The following SLC24A3 variants were observed in gnomAD, a reference collection of about 807,000 sequenced individuals.
SLC24A3 encodes solute carrier family 24 member 3.
In SLC24A3, 28 loss-of-function variants were observed where a neutral mutation model predicts 75.8. The ratio of observed to expected loss-of-function variants is 0.37; its 90% CI spans 0.27 to 0.51. SLC24A3 has a LOEUF of 0.51. Among genes scored for constraint, SLC24A3 ranks in the 20% least tolerant of loss-of-function variants. SLC24A3 has a pLI of 0.94. For synonymous variants in SLC24A3, 372 were observed against 334.1 expected, an observed-to-expected ratio of 1.11 and a Z score of -1.24; for missense variants, 663 against 847.8, an observed-to-expected ratio of 0.78 and a Z score of 2.71.
intron 6 of SLC24A3, among the ~76,000 whole-genome samples, chr20:19,600,258 G>A (rs6132218): frequency 1.3e-5 from 2 of 152,012 alleles, no homozygotes; most frequent in Admixed American, 6.5e-5. Flanking sequence ...GCCATTTCTC[G>A]CTGGACTCTT....
At chr20:19,587,106 A>C (rs2031309075) in intron 6 of SLC24A3, among the ~76,000 whole-genome samples, 1 of 152,072 alleles carries the variant, frequency 6.6e-6, no homozygotes, top group Admixed American at 6.6e-5. Flanking sequence ...CACTCTCCTA[A>C]TTGGCATTGT....
intron 6 of SLC24A3, among the ~76,000 whole-genome samples, chr20:19,646,841 C>CTGTGTGTGTGTGTGTGTG (rs74180956): frequency 0.02 from 2,942 of 144,596 alleles, 79 homozygotes; most frequent in African/African-American, 0.056. Flanking sequence ...TTACAAAACT[C>CTGTGTGTGTGTGTGTGTG]TGTGTGTGTG....
intron 2 of SLC24A3, among the ~76,000 whole-genome samples, chr20:19,440,338 C>A (rs1284445155): frequency 6.6e-6 from 1 of 152,150 alleles, no homozygotes. Context: ...TCTGTAATCT[C>A]AGAAGGAGCT....
rs73899692 is a variant in SLC24A3 at position 19,260,762 on chromosome 20, G to A, written c.143-20197G>A. On this transcript the variant is annotated intron_variant, in intron 1 of 16. Transcript: ENST00000328041. ...CCACCCTTTGCAGAAGGCCTGCGAG[G>A]CATCATTGCTGTAGGCATCATTCTC... 5.6e-3 allele frequency among the ~76,000 whole-genome samples: 855 copies of A among 152,302 alleles called. 6 individuals are homozygous for A. Among genetic ancestry groups the A allele is most frequent in the African/African-American group, 0.02 (822 of 41,562 alleles).
At chr20:19,563,442 T>C (rs1448763471) in intron 3 of SLC24A3, among the ~76,000 whole-genome samples, 4 of 152,206 alleles carry the variant, frequency 2.6e-5, no homozygotes, top group African/African-American at 9.6e-5. Flanking sequence ...GTTTGCAGAA[T>C]ATTGACTATG....
chr20:19,666,212 T>C (rs2032397208), intron 8 of SLC24A3, among the ~76,000 whole-genome samples: 1 of 152,156 alleles, frequency 6.6e-6, no homozygotes, highest in Non-Finnish European at 1.5e-5. Flanking sequence ...AGTTAAGATT[T>C]GACTGATTTT....
At chr20:19,401,630 C>A (rs998683037) in intron 2 of SLC24A3, among the ~76,000 whole-genome samples, 3 of 152,160 alleles carry the variant, frequency 2.0e-5, no homozygotes, top group Non-Finnish European at 4.4e-5. Flanking sequence ...GCTGTCAGGA[C>A]CCTGCCTGGA....
intron 2 of SLC24A3, among the ~76,000 whole-genome samples, chr20:19,410,344 A>G (rs987385014): frequency 1.3e-5 from 2 of 152,210 alleles, no homozygotes; most frequent in African/African-American, 4.8e-5. Flanking sequence ...CCTCCAAAAG[A>G]TAGAAGAGAA....
chr20:19,307,990 T>A (rs1984371739), intron 2 of SLC24A3, among the ~76,000 whole-genome samples: 1 of 152,144 alleles, frequency 6.6e-6, no homozygotes, highest in South Asian at 2.1e-4. Flanking sequence ...AAGAATTTTT[T>A]AAAGTGAAAT....
chr20:19,222,817 GTTCC>G (rs902501636), intron 1 of SLC24A3, among the ~76,000 whole-genome samples: 4 of 49,164 alleles, frequency 8.1e-5, no homozygotes, highest in Non-Finnish European at 1.6e-4. Context: ...TCCTTCCTTC[GTTCC>G]TTCCTTCCTT....
chr20:19,303,091 A>G (rs922370139), intron 2 of SLC24A3, among the ~76,000 whole-genome samples: 3 of 151,546 alleles, frequency 2.0e-5, no homozygotes, highest in East Asian at 1.9e-4. Context: ...GGTTTTGTGT[A>G]TAGATTATTT....
At chr20:19,691,797 C>A (rs992114586) in intron 12 of SLC24A3, among the ~76,000 whole-genome samples, 12 of 152,184 alleles carry the variant, frequency 7.9e-5, no homozygotes, top group African/African-American at 2.7e-4. Flanking sequence ...ATCCTAATAT[C>A]ATCTCATTTA....
chr20:19,711,922 G>C (rs909884408), intron 15 of SLC24A3, among the ~76,000 whole-genome samples: 1 of 151,944 alleles, frequency 6.6e-6, no homozygotes, highest in Non-Finnish European at 1.5e-5. Flanking sequence ...ACAGGTGTGA[G>C]CTACCGCGCC....
At chr20:19,373,195 T>C (rs1464683312) in intron 2 of SLC24A3, among the ~76,000 whole-genome samples, 1 of 152,186 alleles carries the variant, frequency 6.6e-6, no homozygotes, top group Non-Finnish European at 1.5e-5. Context: ...TTTTTGTTTG[T>C]TGCTGGTGTT....
At chr20:19,625,781 A>T (rs1452391077) in intron 6 of SLC24A3, among the ~76,000 whole-genome samples, 8 of 152,208 alleles carry the variant, frequency 5.3e-5, no homozygotes, top group African/African-American at 1.9e-4. Flanking sequence ...ATTCAGAAAC[A>T]GTTGGGCACA....
intron 6 of SLC24A3, among the ~76,000 whole-genome samples, chr20:19,645,170 G>A (rs1262906146): frequency 2.0e-5 from 3 of 152,246 alleles, no homozygotes; most frequent in Non-Finnish European, 4.4e-5. Flanking sequence ...ATTTTTCAAT[G>A]TTTTGATGAC....
intron 12 of SLC24A3, among the ~76,000 whole-genome samples, chr20:19,685,710 G>C (rs1190069279): frequency 6.6e-6 from 1 of 152,190 alleles, no homozygotes; most frequent in Non-Finnish European, 1.5e-5. Flanking sequence ...ATCAGGTGCT[G>C]CAGCTGAGGA....
intron 15 of SLC24A3, among the ~76,000 whole-genome samples, chr20:19,707,469 A>G (rs1048032846): frequency 1.1e-4 from 17 of 152,236 alleles, no homozygotes; most frequent in African/African-American, 4.1e-4. Context: ...AAGCTATTGC[A>G]AACTTTTCAG....
intron 15 of SLC24A3, among the ~76,000 whole-genome samples, chr20:19,709,283 C>T (rs755394369): frequency 3.1e-4 from 47 of 152,092 alleles, no homozygotes; most frequent in Non-Finnish European, 3.4e-4. Context: ...CCTAAGGCAA[C>T]GAGGCAGGAA....
Sources: gnomAD v4.1 joint callset for allele counts (sites outside exome capture counted in the v4.1 genomes callset) on GRCh38, gnomAD v4.1.1 for gene constraint, MANE v1.5 for transcripts, NCBI Gene and HGNC (gene_info 2026-07-23, HGNC 2026-07-21) for gene names.